Variants in CYB5R2 observed in about 807,000 individuals in gnomAD.
CYB5R2 encodes the protein cytochrome b5 reductase 2, also known as NADH-cytochrome b5 reductase 2.
A neutral mutation model predicts 29.8 loss-of-function variants in CYB5R2; 35 were observed. That is an observed-to-expected ratio of 1.17 (90% confidence interval 0.90 to 1.56). CYB5R2 has a LOEUF of 1.56. CYB5R2 is among the 40% of genes most tolerant of loss of function. The probability of loss-of-function intolerance (pLI) is 0.00; values close to 1 mark genes in which losing one functional copy is unlikely to be tolerated. For synonymous variants in CYB5R2, 169 were observed against 130.6 expected (o/e 1.29, Z -2.01); for missense variants, 419 against 346.7 (o/e 1.21, Z -1.66).
At position 7,669,294 on chromosome 11, in the gene CYB5R2, C is replaced by T; in HGVS notation, c.299G>A (p.Gly100Glu). The change falls in exon 5 of 9, where the codon GGG becomes GAG. Residue 100 changes from glycine (G) to glutamate (E), a missense_variant. By Grantham distance (98) the Gly-to-Glu change is moderately conservative (BLOSUM62 -2). Coordinates refer to ENST00000299498, the MANE Select transcript of CYB5R2 (RefSeq NM_016229.5). ...KNVHPQYPEG[G>E]KMTQYLENMK... is the part of the protein sequence containing the mutation. Reference sequence around the variant, plus strand: ...GTTCTCCAAATACTGAGTCATCTTCCCACCTTCAGGATATTGGGGGTGTAC... The same window carrying T: ...GTTCTCCAAATACTGAGTCATCTTCTCACCTTCAGGATATTGGGGGTGTAC... The T allele has an allele frequency of 1.2e-6, 2 of 1,614,064 alleles. No individual in the cohort carries two copies. Among genetic ancestry groups the T allele is most frequent in the East Asian group, 2.2e-5 (1 of 44,886 alleles).
intron 2 of CYB5R2, 106 bp from the exon 3 acceptor site, chr11:7,672,629 C>T (rs2136132871): frequency 6.8e-7 from 1 of 1,476,148 alleles, no homozygotes; most frequent in East Asian, 2.3e-5. Context: ...CCAGCACACA[C>T]ACACACACAC....
chr11:7,669,173 G>A (rs188240040), intron 5 of CYB5R2, 32 bp downstream of exon 5: 2 of 1,613,776 alleles, frequency 1.2e-6, no homozygotes, highest in Admixed American at 3.3e-5. Flanking sequence ...CTTCCTCCCA[G>A]CTGGGAGCCC....
At chr11:7,670,431 A>T (rs979608227) in intron 3 of CYB5R2, 3 of 152,484 alleles carry the variant, frequency 2.0e-5, no homozygotes, top group African/African-American at 7.2e-5. Flanking sequence ...CTTTCTTCCT[A>T]AACTGGATGT....
intron 5 of CYB5R2, chr11:7,668,870 G>T: frequency 3.5e-6 from 2 of 575,542 alleles, no homozygotes; most frequent in Non-Finnish European, 6.2e-6. Flanking sequence ...GAACCAGTGA[G>T]TAAACAATGG....
In CYB5R2 at chr11:7,672,735, G is replaced by A. The variant is rs761588515; in HGVS notation, c.78+13C>T. ...CCACTTACTGCCTTCCACCCACAGGGCTGACCCATTACCTCTTTCTCAATC... is the reference window on the plus strand; with the variant it reads ...CCACTTACTGCCTTCCACCCACAGGACTGACCCATTACCTCTTTCTCAATC... On this transcript the variant is annotated intron_variant, in intron 2 of 8. Transcript: ENST00000299498. The A allele has an allele frequency of 6.2e-7, 1 of 1,614,140 alleles. No homozygotes were observed. The highest frequency in any genetic ancestry group is 1.7e-5 in the Admixed American group (1 of 60,026).
chr11:7,667,949 A>C, intron 6 of CYB5R2, 136 bp from the exon 7 acceptor site: 2 of 703,430 alleles, frequency 2.8e-6, no homozygotes, highest in Non-Finnish European at 5.0e-6. Context: ...TCAAAGCAGG[A>C]AACAGCCCTT....
chr11:7,669,441 C>T (rs1207041410), intron 4 of CYB5R2, 107 bp from the exon 5 acceptor site: 72 of 1,413,216 alleles, frequency 5.1e-5, no homozygotes, highest in Non-Finnish European at 6.9e-5. Context: ...AAAGTGTTCT[C>T]CTCTCTGAAT....
rs767571769 is a variant in CYB5R2, at chr11:7,669,704, A to AT, written c.178dup (p.Ile60AsnfsTer3). On this transcript the variant is annotated frameshift_variant, in exon 4 of 9. Coordinates refer to ENST00000299498, the MANE Select transcript of CYB5R2 (RefSeq NM_016229.5). LOFTEE classifies it high-confidence loss of function. ...AGCCCTGACCACCAATTCATTATCG[A>AT]TTTTTGCCAAGAGCTGGACATAGTT... 3.0e-5 allele frequency: 48 copies of AT among 1,614,006 alleles called. No individual in the cohort carries two copies. The highest frequency in any genetic ancestry group is 3.9e-5 in the Non-Finnish European group (46 of 1,180,008).
chr11:7,668,420 C>T (rs555027743), intron 6 of CYB5R2, 58 bp downstream of exon 6: 3 of 1,341,704 alleles, frequency 2.2e-6, no homozygotes, highest in South Asian at 1.2e-5. Flanking sequence ...AAATGACTCC[C>T]AAGTCAGAAT....
Position 7,673,415 on chromosome 11 carries a change from C to G in CYB5R2, c.-67+4G>C. The G allele has an allele frequency of 1.0e-6, 1 of 994,660 alleles. No individual in the cohort carries two copies. Among genetic ancestry groups the G allele is most frequent in the African/African-American group, 1.7e-5 (1 of 57,622 alleles). The allele number at this position is 994,660 out of a possible 1,614,324, so 61.6% of individuals were successfully genotyped here. A position where few individuals can be genotyped will look rare whatever the true frequency, so the allele number is the denominator to read the frequency against. On this transcript the variant is annotated splice_donor_region_variant and intron_variant, in intron 1 of 8. Transcript: ENST00000299498. ...CTCGGGAGCCTCCCCGCATCTGTCC[C>G]TACCCTACAAGGCCGCCCTGCTCCT...
intron 2 of CYB5R2, 108 bp from the exon 3 acceptor site, chr11:7,672,631 C>G: frequency 6.7e-7 from 1 of 1,481,662 alleles, no homozygotes; most frequent in Non-Finnish European, 9.4e-7. Context: ...AGCACACACA[C>G]ACACACACAC....
At chr11:7,673,823 A>G, upstream of CYB5R2, 3 of 987,092 alleles carry the variant, frequency 3.0e-6, no homozygotes, top group African/African-American at 1.7e-5. Flanking sequence ...CGCCTGGCCG[A>G]CGGGGAACCG....
At position 7,673,401 on chromosome 11, in the gene CYB5R2, C is replaced by T. The variant is rs1239074932; in HGVS notation, c.-67+18G>A. ...TCAACTGCCAGAGACTCGGGAGCCT[C>T]CCCGCATCTGTCCCTACCCTACAAG... On this transcript the variant is annotated intron_variant, in intron 1 of 8. Coordinates refer to ENST00000299498, the MANE Select transcript of CYB5R2 (RefSeq NM_016229.5). 2 of 997,760 alleles carry T rather than the reference C, an allele frequency of 2.0e-6. No homozygotes were observed. The highest frequency in any genetic ancestry group is 2.4e-6 in the Non-Finnish European group (2 of 836,194). The allele number at this position is 997,760 out of a possible 1,614,324, so 61.8% of individuals were successfully genotyped here.
intron 7 of CYB5R2, chr11:7,667,058 C>G (rs1296862586): frequency 1.3e-5 from 2 of 152,486 alleles, no homozygotes; most frequent in Non-Finnish European, 2.9e-5. Flanking sequence ...CAAAAATAAC[C>G]TGTCACAGCC....
intron 4 of CYB5R2, 32 bp downstream of exon 4, chr11:7,669,593 C>G (rs369788786): frequency 4.6e-6 from 7 of 1,516,588 alleles, no homozygotes; most frequent in Non-Finnish European, 6.3e-6. Flanking sequence ...CTTGGAAGCA[C>G]GAGCTAGCCA....
intron 3 of CYB5R2, chr11:7,672,178 T>G (rs1268019334): frequency 2.4e-6 from 1 of 423,914 alleles, no homozygotes; most frequent in African/African-American, 2.0e-5. Context: ...GCAAGGAGCC[T>G]TCCATGAGAT....
intron 1 of CYB5R2, 66 bp downstream of exon 1, chr11:7,673,353 C>T (rs1331328457): frequency 4.9e-6 from 5 of 1,017,870 alleles, no homozygotes; most frequent in South Asian, 4.0e-5. Flanking sequence ...GTCTCCTGGA[C>T]AGGGCGAAGG....
chr11:7,665,753 C>A (rs1472963391), intron 8 of CYB5R2: 2 of 1,357,808 alleles, frequency 1.5e-6, no homozygotes, highest in African/African-American at 2.9e-5. Flanking sequence ...AGGCTCACTG[C>A]AGGGACCCTG....
At position 7,665,468 on chromosome 11, in the gene CYB5R2, A is replaced by G; in HGVS notation, c.737T>C (p.Ile246Thr). Reference protein sequence around the residue: ...HLPPPAKSTLILVCGPPPLIQ... With the variant: ...HLPPPAKSTLTLVCGPPPLIQ... ...TAGTGGTGGCGGGCCACACACCAGG[A>G]TGAGCGTGGACTTCGCTGGAGGAGG... Residue 246 changes from isoleucine (I) to threonine (T), a missense_variant, in exon 9 of 9, where the codon ATC (isoleucine) becomes ACC (threonine). Physicochemically the swap from Ile to Thr is moderately conservative, Grantham distance 89. Coordinates refer to ENST00000299498, the MANE Select transcript of CYB5R2 (RefSeq NM_016229.5). 1 of 1,613,954 alleles carries G rather than the reference A, an allele frequency of 6.2e-7. No individual in the cohort carries two copies.
Sources: gnomAD v4.1 joint callset for allele counts on GRCh38, gnomAD v4.1.1 for gene constraint, MANE v1.5 for transcripts, NCBI Gene and HGNC (gene_info 2026-07-23, HGNC 2026-07-21) for gene names.